The following INTS9 variants were observed in gnomAD, a reference collection of about 807,000 sequenced individuals.
The protein encoded by INTS9 is protein related to CPSF subunits of 74 kDa.
A neutral mutation model predicts 79.7 loss-of-function variants in INTS9; 55 were observed. The ratio of observed to expected loss-of-function variants is 0.69; its 90% confidence interval spans 0.56 to 0.86. INTS9 has a LOEUF of 0.86. Ranked by LOEUF, INTS9 falls within the 40% of genes least tolerant of loss-of-function variation. The pLI is 0.00. For synonymous variants in INTS9, 319 were observed against 325.2 expected, an observed-to-expected ratio of 0.98 and a Z score of 0.20; for missense variants, 721 against 831.5, an observed-to-expected ratio of 0.87 and a Z score of 1.64.
chr8:28,805,575 T>C (rs6558081), intron 8 of INTS9, among the ~76,000 whole-genome samples: 30,236 of 152,022 alleles, frequency 0.2, 3,402 homozygotes, highest in East Asian at 0.46. Flanking sequence ...CCGTATTATG[T>C]ATGTTCTAAA....
intron 1 of INTS9, among the ~76,000 whole-genome samples, chr8:28,876,614 A>G (rs1004563194): frequency 5.3e-5 from 8 of 152,164 alleles, no homozygotes; most frequent in African/African-American, 1.2e-4. Context: ...AGAGACGCCT[A>G]CTACCAAAAC....
Position 28,779,462 on chromosome 8 carries a change from CA to C in INTS9, c.1270+1360del, listed in dbSNP as rs1803107303. Among the ~76,000 whole-genome samples the C allele has an allele frequency of 2.0e-5, 3 of 152,176 alleles. No homozygotes were observed. In the South Asian group the frequency reaches 6.2e-4, roughly 32 times the overall value. The stretch of plus-strand genomic sequence containing the variant: ...CTTGTCTGACAATGATGGATCCGGC[CA>C]AAGACAAGACCCCTCTGTAATCATC... On this transcript the variant is annotated intron_variant, in intron 12 of 16. Transcript: ENST00000521022.
intron 14 of INTS9, among the ~76,000 whole-genome samples, chr8:28,771,522 C>A (rs930401946): frequency 6.6e-6 from 1 of 152,170 alleles, no homozygotes; most frequent in African/African-American, 2.4e-5. Flanking sequence ...CATGTAGACC[C>A]CTACCTAGCC....
chr8:28,804,630 C>G (rs1804704741), intron 8 of INTS9, among the ~76,000 whole-genome samples: 1 of 152,074 alleles, frequency 6.6e-6, no homozygotes. Flanking sequence ...AGAGGAGGGT[C>G]CCTGAGGGTC....
Position 28,768,089 on chromosome 8 carries a change from G to A in INTS9, c.*57C>T. ...TCTCATGCCACTCCTCAGGTGGCTT[G>A]TGAGGGCAGCCAGTGAGGGACTGCA... On this transcript the variant is annotated 3_prime_UTR_variant, in exon 17 of 17. Transcript: ENST00000521022. 2 of 1,545,830 alleles carry A rather than the reference G, an allele frequency of 1.3e-6. No individual in the cohort carries two copies. Among genetic ancestry groups the A allele is most frequent in the Non-Finnish European group, 1.8e-6 (2 of 1,121,264 alleles).
At chr8:28,889,849 C>T (rs751165202) in intron 1 of INTS9, 25 bp downstream of exon 1, 3 of 1,613,714 alleles carry the variant, frequency 1.9e-6, no homozygotes, top group African/African-American at 1.3e-5. Context: ...CACCTTTGCC[C>T]TCTGACCTAG....
chr8:28,777,316 G>C (rs1802945004), intron 13 of INTS9, among the ~76,000 whole-genome samples: 2 of 152,104 alleles, frequency 1.3e-5, no homozygotes, highest in Non-Finnish European at 2.9e-5. Context: ...GTGGTTCCGT[G>C]GCCCTGCCTT....
chr8:28,853,306 G>C (rs976060314), intron 2 of INTS9, among the ~76,000 whole-genome samples: 1 of 151,868 alleles, frequency 6.6e-6, no homozygotes, highest in African/African-American at 2.4e-5. Flanking sequence ...CCAGCTACTT[G>C]AGAGGCCGAG....
chr8:28,824,682 C>T (rs1806047618), intron 6 of INTS9, among the ~76,000 whole-genome samples: 1 of 152,178 alleles, frequency 6.6e-6, no homozygotes, highest in Non-Finnish European at 1.5e-5. Flanking sequence ...GCTGCTCCTG[C>T]ATCTGTTACC....
chr8:28,846,773 A>C lies in INTS9; in HGVS notation c.235T>G (p.Ser79Ala), dbSNP rs1171770508. 7 of 1,613,776 alleles carry C rather than the reference A, an allele frequency of 4.3e-6. No homozygotes were observed. The East Asian group carries it at 1.6e-4, about 36-fold the overall frequency. ...TCTGGTAAACAGAATTCCGGCACAGAATCCACAAATACATGACCCGAGCAC... is the reference window on the plus strand; with the variant it reads ...TCTGGTAAACAGAATTCCGGCACAGCATCCACAAATACATGACCCGAGCAC... ...KECSGHVFVD[S>A]VPEFCLPETE... Residue 79 changes from serine (S) to alanine (A), a missense_variant, in exon 4 of 17, where the codon TCT (serine) becomes GCT (alanine). Around this residue, in one of 3 missense-constraint regions of INTS9, gnomAD observed 291 missense variants for 307.0 expected, o/e 0.95. Transcript: ENST00000521022.
At chr8:28,860,041 A>G (rs1808369927) in intron 1 of INTS9, among the ~76,000 whole-genome samples, 1 of 152,244 alleles carries the variant, frequency 6.6e-6, no homozygotes, top group African/African-American at 2.4e-5. Context: ...TTAACTAACA[A>G]GCATGAGTAA....
intron 6 of INTS9, among the ~76,000 whole-genome samples, chr8:28,830,214 A>G (rs140638707): frequency 5.3e-5 from 8 of 152,338 alleles, no homozygotes; most frequent in Non-Finnish European, 1.2e-4. Context: ...AGATAAATCT[A>G]AAGGTGATGT....
chr8:28,831,371 G>A (rs117226972), intron 6 of INTS9, among the ~76,000 whole-genome samples: 5,214 of 152,262 alleles, frequency 0.034, 112 homozygotes, highest in Non-Finnish European at 0.049. Flanking sequence ...TAACACCTAG[G>A]TGAAGGGTTG....
At position 28,835,277 on chromosome 8, in the gene INTS9, T is replaced by A. The variant is rs1396290294; in HGVS notation, c.488+15A>T. 1 of 1,589,616 alleles carries A rather than the reference T, an allele frequency of 6.3e-7. No homozygotes were observed. Among genetic ancestry groups the A allele is most frequent in the Non-Finnish European group, 8.6e-7 (1 of 1,160,096 alleles). Reference sequence around the variant, plus strand: ...GCTCTACAGTCTCTCGGTAAGAGAGTGGTCTGTTCCTCACCTCTGAATGTC... The same window carrying A: ...GCTCTACAGTCTCTCGGTAAGAGAGAGGTCTGTTCCTCACCTCTGAATGTC... On this transcript the variant is annotated intron_variant, in intron 6 of 16. Coordinates refer to ENST00000521022, the MANE Select transcript of INTS9 (RefSeq NM_018250.4).
intron 1 of INTS9, chr8:28,862,280 A>G: frequency 1.1e-6 from 1 of 918,558 alleles, no homozygotes; most frequent in Non-Finnish European, 1.3e-6. Context: ...TCTGATTATC[A>G]TTTTTATATT....
At chr8:28,805,898 C>G (rs148300347) in intron 8 of INTS9, among the ~76,000 whole-genome samples, 64 of 152,058 alleles carry the variant, frequency 4.2e-4, no homozygotes, top group African/African-American at 1.5e-3. Flanking sequence ...TCACAAGAAA[C>G]ACAAACAGGC....
intron 4 of INTS9, among the ~76,000 whole-genome samples, chr8:28,844,267 G>C (rs1427576057): frequency 6.6e-6 from 1 of 152,174 alleles, no homozygotes; most frequent in Non-Finnish European, 1.5e-5. Flanking sequence ...TTTTTTAGCT[G>C]GGCGCGGTGG....
At chr8:28,816,823 C>T (rs1467358224) in intron 6 of INTS9, among the ~76,000 whole-genome samples, 2 of 151,732 alleles carry the variant, frequency 1.3e-5, no homozygotes, top group East Asian at 1.9e-4. Flanking sequence ...CTGTTGTTTC[C>T]TGACTTTTTA....
At chr8:28,782,871 A>C (rs1422678008) in intron 11 of INTS9, among the ~76,000 whole-genome samples, 1 of 152,176 alleles carries the variant, frequency 6.6e-6, no homozygotes, top group Non-Finnish European at 1.5e-5. Flanking sequence ...CACTAAAAAA[A>C]ACACATACAC....
Sources: allele counts gnomAD v4.1 joint callset (sites outside exome capture counted in the v4.1 genomes callset), GRCh38; gene constraint gnomAD v4.1.1; regional missense constraint gnomAD v4.1.1; transcripts MANE v1.5; gene names NCBI Gene and HGNC (gene_info 2026-07-23, HGNC 2026-07-21).